Variants in FRMD4A observed in about 807,000 individuals in gnomAD.
The protein encoded by FRMD4A is FERM domain-containing protein 4A.
A neutral mutation model predicts 129.1 loss-of-function variants in FRMD4A; 29 were observed. The ratio of observed to expected loss-of-function variants is 0.22; its 90% CI spans 0.17 to 0.31. The LOEUF is 0.31. Ranked by LOEUF, FRMD4A falls within the 10% of genes least tolerant of loss-of-function variation. FRMD4A has a pLI of 1.00. For missense variants in FRMD4A, 1,272 were observed against 1,375.8 expected, an observed-to-expected ratio of 0.92 and a Z score of 1.19; for synonymous variants, 634 against 571.6, an observed-to-expected ratio of 1.11 and a Z score of -1.56.
At chr10:13,757,209 C>T (rs2091900453) in intron 8 of FRMD4A, among the ~76,000 whole-genome samples, 1 of 152,190 alleles carries the variant, frequency 6.6e-6, no homozygotes, top group Non-Finnish European at 1.5e-5. Flanking sequence ...TTGGAGGCTA[C>T]TGAATTGTTT....
intron 3 of FRMD4A, among the ~76,000 whole-genome samples, chr10:13,824,573 C>G (rs2093674191): frequency 6.6e-6 from 1 of 151,858 alleles, no homozygotes; most frequent in Admixed American, 6.6e-5. Context: ...AGTATAACAA[C>G]TATATAGCAT....
intron 2 of FRMD4A, among the ~76,000 whole-genome samples, chr10:14,255,983 G>C (rs991643303): frequency 2.1e-5 from 3 of 144,698 alleles, no homozygotes; most frequent in Non-Finnish European, 4.5e-5. Context: ...TCCACCCTGG[G>C]TGACAAAGCA....
In FRMD4A at chr10:14,128,078, T is replaced by C. The variant is rs1016796748; in HGVS notation, c.45+201980A>G. On this transcript the variant is annotated intron_variant, in intron 2 of 24. Transcript: ENST00000357447. ...TTTCTTTCTTTCTTTCTTTCTTTCT[T>C]TCTTTCTTTCTTTCTTTCTTTCTTT... is the stretch of plus-strand genomic sequence containing the variant. 6.4e-3 allele frequency among the ~76,000 whole-genome samples: 743 copies of C among 115,584 alleles called. 34 individuals carry two copies. Among genetic ancestry groups the C allele is most frequent in the African/African-American group, 0.022 (648 of 29,990 alleles). The allele number at this position is 115,584 out of a possible 152,430, so 75.8% of individuals were successfully genotyped here.
intron 2 of FRMD4A, among the ~76,000 whole-genome samples, chr10:14,123,402 C>A (rs1012626082): frequency 6.6e-6 from 1 of 152,170 alleles, no homozygotes; most frequent in African/African-American, 2.4e-5. Context: ...CATAAAATTC[C>A]ATTTCTCTTG....
Position 13,758,194 on chromosome 10 carries a change from A to C in FRMD4A, c.464+3453T>G, listed in dbSNP as rs1441281633. Reference sequence around the variant, plus strand: ...TATCTAGGATAATAGTATCCTGAAGAAAATAGCCTTTTGGGAAGTTTTAGA... The same window carrying C: ...TATCTAGGATAATAGTATCCTGAAGCAAATAGCCTTTTGGGAAGTTTTAGA... On this transcript the variant is annotated intron_variant, in intron 8 of 24. Transcript: ENST00000357447. Among the ~76,000 whole-genome samples the C allele has an allele frequency of 2.0e-5, 3 of 152,248 alleles. No individual in the cohort carries two copies. The East Asian group carries it at 5.8e-4, about 29-fold the overall frequency.
chr10:13,690,062 G>C (rs2085535972), intron 15 of FRMD4A, among the ~76,000 whole-genome samples: 2 of 152,206 alleles, frequency 1.3e-5, no homozygotes, highest in Admixed American at 6.5e-5. Flanking sequence ...AGGTGAAAGA[G>C]AGAAAACAGT....
chr10:13,658,673 G>C (rs2082380661), intron 21 of FRMD4A, among the ~76,000 whole-genome samples: 1 of 152,150 alleles, frequency 6.6e-6, no homozygotes, highest in Non-Finnish European at 1.5e-5. Flanking sequence ...CTGAGGTCAG[G>C]AGTTCCAGAC....
chr10:14,005,701 A>C (rs1412666956), intron 2 of FRMD4A, among the ~76,000 whole-genome samples: 1 of 152,196 alleles, frequency 6.6e-6, no homozygotes, highest in South Asian at 2.1e-4. Context: ...CAAACACGAA[A>C]CATGATCCTA....
intron 2 of FRMD4A, among the ~76,000 whole-genome samples, chr10:14,112,710 C>T (rs1047823960): frequency 2.6e-5 from 4 of 152,134 alleles, no homozygotes; most frequent in Admixed American, 6.5e-5. Flanking sequence ...GGTTTTGGTA[C>T]GGACGGGGTT....
intron 2 of FRMD4A, among the ~76,000 whole-genome samples, chr10:13,877,443 C>T (rs1434904491): frequency 6.6e-6 from 1 of 152,188 alleles, no homozygotes; most frequent in African/African-American, 2.4e-5. Context: ...GAGCAAGACA[C>T]ATCTGAGAAA....
intron 2 of FRMD4A, among the ~76,000 whole-genome samples, chr10:13,914,312 C>A (rs2094976229): frequency 6.6e-6 from 1 of 152,136 alleles, no homozygotes; most frequent in Non-Finnish European, 1.5e-5. Flanking sequence ...CAAGGAATGT[C>A]AATTTCTGAA....
At chr10:14,146,191 C>G (rs1217129445) in intron 2 of FRMD4A, among the ~76,000 whole-genome samples, 3 of 152,138 alleles carry the variant, frequency 2.0e-5, no homozygotes, top group Non-Finnish European at 4.4e-5. Context: ...TAAAAGGTGG[C>G]TCATAGTAAG....
chr10:13,668,503 G>A (rs903034449), intron 17 of FRMD4A: 2 of 152,258 alleles, frequency 1.3e-5, no homozygotes, highest in Non-Finnish European at 2.9e-5. Context: ...AGCCACAGTA[G>A]AGACCAGGTG....
Position 13,750,087 on chromosome 10 carries a change from A to AT in FRMD4A, c.465-2269_465-2268insA, listed in dbSNP as rs2091513608. Among the ~76,000 whole-genome samples, 3 of 96,374 alleles carry AT rather than the reference A, an allele frequency of 3.1e-5. No individual in the cohort carries two copies. The Admixed American group carries it at 3.3e-4, about 11-fold the overall frequency. The allele number at this position is 96,374 out of a possible 152,430, so 63.2% of individuals were successfully genotyped here. ...AAGGAAGGAAGAAAGAAAGAAAGAA[A>AT]GAAAGAAAGAAAGAAAGAAATGAAG... On this transcript the variant is annotated intron_variant, in intron 8 of 24. Coordinates refer to ENST00000357447, the MANE Select transcript of FRMD4A (RefSeq NM_018027.5).
intron 2 of FRMD4A, among the ~76,000 whole-genome samples, chr10:14,061,754 G>A (rs992449857): frequency 6.6e-6 from 1 of 152,178 alleles, no homozygotes; most frequent in African/African-American, 2.4e-5. Context: ...TTCTTCCCAT[G>A]GGCATTGTCA....
chr10:14,008,070 C>T lies in FRMD4A; in HGVS notation c.46-149158G>A, dbSNP rs905848751. 5 of 1,303,652 alleles carry T rather than the reference C, an allele frequency of 3.8e-6. No individual in the cohort carries two copies. In the African/African-American group the frequency reaches 7.6e-5, roughly 20 times the overall value. 80.8% of individuals were successfully genotyped at this position (1,303,652 alleles called of 1,614,324 possible). A position where few individuals can be genotyped will look rare whatever the true frequency, so the allele number is the denominator to read the frequency against. ...CGCCACGTAGCTTACCCTTTCAACG[C>T]TGCGCCTTCTCAGAGATCCATAAGG... On this transcript the variant is annotated intron_variant, in intron 2 of 24. Coordinates refer to ENST00000357447, the MANE Select transcript of FRMD4A (RefSeq NM_018027.5).
In FRMD4A at chr10:13,681,104, T is replaced by G. The variant is rs142500843; in HGVS notation, c.1118-6060A>C. Among the ~76,000 whole-genome samples, 470 of 152,360 alleles carry G rather than the reference T, an allele frequency of 3.1e-3. 5 individuals are homozygous for G. The highest frequency in any genetic ancestry group is 0.01 in the African/African-American group (433 of 41,586). ...ACAACTTACTCGGATAGTTCCCTCG[T>G]GCCTCTAGCAGTCATTTTTGCAATT... is the stretch of plus-strand genomic sequence containing the variant. On this transcript the variant is annotated intron_variant, in intron 15 of 24. Coordinates refer to ENST00000357447, the MANE Select transcript of FRMD4A (RefSeq NM_018027.5).
At chr10:13,864,220 T>C (rs2094333096) in intron 2 of FRMD4A, among the ~76,000 whole-genome samples, 1 of 151,576 alleles carries the variant, frequency 6.6e-6, no homozygotes, top group Admixed American at 6.6e-5. Context: ...GGTCTCGAAC[T>C]CCTGGCCTCA....
At chr10:13,829,624 C>T (rs1408073409) in intron 3 of FRMD4A, among the ~76,000 whole-genome samples, 2 of 152,220 alleles carry the variant, frequency 1.3e-5, no homozygotes, top group African/African-American at 4.8e-5. Flanking sequence ...TTCAATGCTT[C>T]CTAATGCTAG....
Sources: allele counts gnomAD v4.1 joint callset (sites outside exome capture counted in the v4.1 genomes callset), GRCh38; gene constraint gnomAD v4.1.1; transcripts MANE v1.5; gene names NCBI Gene and HGNC (gene_info 2026-07-23, HGNC 2026-07-21).